Variants in CACNA1H observed in about 807,000 individuals in gnomAD.
CACNA1H encodes calcium voltage-gated channel subunit alpha1 H, also known as voltage-dependent T-type calcium channel subunit alpha-1H.
A neutral mutation model predicts 192.5 loss-of-function variants in CACNA1H; 149 were observed. The observed-to-expected ratio is 0.77, with a 90% CI of 0.68 to 0.89. The LOEUF is 0.89. CACNA1H is among the 40% of genes least tolerant of loss of function. CACNA1H has a pLI of 0.00. For synonymous variants in CACNA1H, 2,202 were observed against 1,475.2 expected, an observed-to-expected ratio of 1.49 and a Z score of -11.29; for missense variants, 4,257 against 3,423.5, an observed-to-expected ratio of 1.24 and a Z score of -6.08.
intron 2 of CACNA1H, among the ~76,000 whole-genome samples, chr16:1,163,886 G>A (rs1162320245): frequency 6.6e-6 from 1 of 152,194 alleles, no homozygotes; most frequent in Non-Finnish European, 1.5e-5. Context: ...GCTATGTGGC[G>A]GCCACCTCGA....
chr16:1,215,681 C>A (rs767383691), intron 30 of CACNA1H, 88 bp downstream of exon 30: 52 of 1,032,748 alleles, frequency 5.0e-5, no homozygotes, highest in Non-Finnish European at 7.0e-5. Context: ...CCCCCTCACT[C>A]GTTTCTCTGG....
At position 1,220,830 on chromosome 16, in the gene CACNA1H, A is replaced by G. The variant is rs775271588; in HGVS notation, c.6898A>G (p.Ile2300Val). 2.1e-5 allele frequency: 34 copies of G among 1,612,592 alleles called. No homozygotes were observed. The highest frequency in any genetic ancestry group is 1.7e-5 in the Admixed American group (1 of 59,998). ...ATCCAGAGCTTCCTCTTCAGGGGCCATAGTGCCCCTGGAACCCCCAGAATC... is the reference window on the plus strand; with the variant it reads ...ATCCAGAGCTTCCTCTTCAGGGGCCGTAGTGCCCCTGGAACCCCCAGAATC... ...PESRASSSGAIVPLEPPESEP... is the reference protein window; with the variant it reads ...PESRASSSGAVVPLEPPESEP... The change falls in exon 35 of 35, where the codon ATA (isoleucine) becomes GTA (valine). Residue 2300 changes from isoleucine (I) to valine (V), a missense_variant. Coordinates refer to ENST00000348261, the MANE Select transcript of CACNA1H (RefSeq NM_021098.3).
chr16:1,195,791 C>T (rs985575194), intron 4 of CACNA1H, 135 bp from the exon 5 acceptor site: 9 of 890,090 alleles, frequency 1.0e-5, no homozygotes, highest in Non-Finnish European at 1.1e-5. Context: ...CCTCGGGGCC[C>T]TTCCTGGCCA....
Position 1,204,042 on chromosome 16 carries a change from C to G in CACNA1H, c.2035C>G (p.Leu679Val), listed in dbSNP as rs373184675. Residue 679 changes from leucine to valine, a missense_variant, in exon 10 of 35, where the codon CTC becomes GTC. By Grantham distance (32) the Leu-to-Val change is conservative. Transcript: ENST00000348261. ...CCAGGCCCCTGGCCATCTGTCGGGC[C>G]TCAGTGTGCCCTGCCCCCTGCCCAG... The part of the protein sequence containing the change: ...LGQAPGHLSG[L>V]SVPCPLPSPP... The G allele has an allele frequency of 1.3e-6, 2 of 1,578,506 alleles. No homozygotes were observed. Among genetic ancestry groups the G allele is most frequent in the African/African-American group, 1.3e-5 (1 of 74,200 alleles).
rs550304903 is a variant in CACNA1H, at chr16:1,213,138, G to A, written c.4777+610G>A. Among the ~76,000 whole-genome samples, 6 of 152,374 alleles carry A rather than the reference G, an allele frequency of 3.9e-5. No individual in the cohort carries two copies. The South Asian group carries it at 1.0e-3, about 26-fold the overall frequency. ...GGCGGGCGCCGACTTCAGATGGTCT[G>A]GAGTCCGGCAGACCCTAGACCACAG... On this transcript the variant is annotated intron_variant, in intron 26 of 34. Coordinates refer to ENST00000348261, the MANE Select transcript of CACNA1H (RefSeq NM_021098.3).
At position 1,201,750 on chromosome 16, in the gene CACNA1H, C is replaced by T. The variant is rs185769412; in HGVS notation, c.1300C>T (p.Arg434Trp). ...ETKQRESQLM[R>W]EQRARHLSND... ...GAAGCAGCGGGAGAGTCAGCTGATG[C>T]GGGAGCAGCGGGCACGCCACCTGTC... Residue 434 changes from arginine (R) to tryptophan (W), a missense_variant, in exon 9 of 35, where the codon CGG becomes TGG. Physicochemically the swap from Arg to Trp is moderately radical, Grantham distance 101. Transcript: ENST00000348261. 55 of 1,608,506 alleles carry T rather than the reference C, an allele frequency of 3.4e-5. No homozygotes were observed. The highest frequency in any genetic ancestry group is 4.4e-5 in the South Asian group (4 of 90,164).
chr16:1,217,418 A>C (rs1194673044), intron 31 of CACNA1H, among the ~76,000 whole-genome samples: 5 of 152,030 alleles, frequency 3.3e-5, no homozygotes, highest in African/African-American at 9.7e-5. Context: ...TGAGGCCCCC[A>C]CCCAGGCCTC....
At chr16:1,203,013 C>T (rs551976527) in intron 9 of CACNA1H, among the ~76,000 whole-genome samples, 78 of 149,264 alleles carry the variant, frequency 5.2e-4, no homozygotes, top group African/African-American at 1.4e-3. Context: ...GGTAGGGTTC[C>T]ACACGGGCCT....
At position 1,207,008 on chromosome 16, in the gene CACNA1H, G is replaced by A. The variant is rs1968809258; in HGVS notation, c.2797G>A (p.Gly933Ser). The A allele has an allele frequency of 6.3e-7, 1 of 1,585,330 alleles. No homozygotes were observed. Among genetic ancestry groups the A allele is most frequent in the Non-Finnish European group, 8.6e-7 (1 of 1,165,804 alleles). The change falls in exon 13 of 35, where the codon GGC becomes AGC. Residue 933 changes from glycine to serine, a missense_variant. Gly to Ser is a moderately conservative substitution (Grantham distance 56). Transcript: ENST00000348261. ...MLFIFIFSIL[G>S]MHLFGCKFSL... ...CCCTGCCCCCACCCTCAGCATCCTG[G>A]GCATGCACCTTTTCGGCTGCAAGTT...
chr16:1,157,099 C>T (rs1471466699), intron 2 of CACNA1H: 1 of 152,222 alleles, frequency 6.6e-6, no homozygotes, highest in Non-Finnish European at 1.5e-5. Flanking sequence ...CCGCGTTCGC[C>T]TGCGACACAG....
At chr16:1,161,171 C>T (rs1158329418) in intron 2 of CACNA1H, among the ~76,000 whole-genome samples, 1 of 152,198 alleles carries the variant, frequency 6.6e-6, no homozygotes, top group African/African-American at 2.4e-5. Context: ...CTCGTCTGAC[C>T]CTGGGCTGCT....
chr16:1,156,126 G>A (rs754213983), intron 2 of CACNA1H, among the ~76,000 whole-genome samples: 7 of 152,174 alleles, frequency 4.6e-5, no homozygotes, highest in African/African-American at 1.2e-4. Context: ...CACTGGGTCT[G>A]CCTGCGGCAC....
Position 1,195,559 on chromosome 16 carries a change from T to C in CACNA1H, c.539T>C (p.Val180Ala). 6.3e-7 allele frequency: 1 copy of C among 1,591,646 alleles called. No individual in the cohort carries two copies. The highest frequency in any genetic ancestry group is 8.5e-7 in the Non-Finnish European group (1 of 1,169,672). The change falls in exon 4 of 35, where the codon GTG becomes GCG. Residue 180 changes from valine (V) to alanine (A), a missense_variant. Transcript: ENST00000348261. The stretch of plus-strand genomic sequence containing the variant: ...AACAGGCTGGATTTCTTCATCGTCG[T>C]GGCGGGGTAGGCCCCGCCTGGGAGA... ...TWNRLDFFIV[V>A]AGMMEYSLDG...
Position 1,203,018 on chromosome 16 carries a change from G to A in CACNA1H, c.2002+566G>A, listed in dbSNP as rs370432803. Among the ~76,000 whole-genome samples the A allele has an allele frequency of 5.7e-4, 86 of 151,488 alleles. 2 individuals carry two copies. In the South Asian group the frequency reaches 0.015, roughly 26 times the overall value. On this transcript the variant is annotated intron_variant, in intron 9 of 34. Coordinates refer to ENST00000348261, the MANE Select transcript of CACNA1H (RefSeq NM_021098.3). ...GCCCCCAGATGGTAGGGTTCCACAC[G>A]GGCCTGGGGGCCCTTCCTGGTTCTG...
chr16:1,172,154 G>A (rs928402781), intron 2 of CACNA1H, among the ~76,000 whole-genome samples: 1 of 152,336 alleles, frequency 6.6e-6, no homozygotes, highest in Non-Finnish European at 1.5e-5. Context: ...GGCCGCACAC[G>A]GTGGGTGTCA....
Position 1,220,409 on chromosome 16 carries a change from G to C in CACNA1H, c.6477G>C (p.Glu2159Asp), listed in dbSNP as rs757791122. The C allele has an allele frequency of 1.3e-6, 2 of 1,526,952 alleles. No individual in the cohort carries two copies. Among genetic ancestry groups the C allele is most frequent in the Admixed American group, 4.5e-5 (2 of 44,810 alleles). 94.6% of individuals were successfully genotyped at this position (1,526,952 alleles called of 1,614,324 possible). The change falls in exon 35 of 35, where the codon GAG becomes GAC. Residue 2159 changes from glutamate to aspartate, a missense_variant. Coordinates refer to ENST00000348261, the MANE Select transcript of CACNA1H (RefSeq NM_021098.3). ...ACGAGCAGTGGCGGCCCTCGGCGGA[G>C]CTGGGCAGCGGGGAGCCTGGGGAGG... Reference protein sequence around the residue: ...RADEQWRPSAELGSGEPGEAK... With the variant: ...RADEQWRPSADLGSGEPGEAK...
intron 33 of CACNA1H, 78 bp from the exon 34 acceptor site, chr16:1,218,891 TG>T: frequency 1.2e-6 from 1 of 800,170 alleles, no homozygotes; most frequent in African/African-American, 4.6e-5. Flanking sequence ...GGTGGCAGGT[TG>T]GGGGAGGACG....
At chr16:1,175,353 C>T (rs1490993006) in intron 2 of CACNA1H, among the ~76,000 whole-genome samples, 2 of 152,190 alleles carry the variant, frequency 1.3e-5, no homozygotes, top group African/African-American at 2.4e-5. Context: ...CCGCAGGTCC[C>T]TTTGGTAGTT....
intron 17 of CACNA1H, 42 bp from the exon 18 acceptor site, chr16:1,209,993 A>T: frequency 1.4e-6 from 2 of 1,455,734 alleles, no homozygotes; most frequent in East Asian, 2.5e-5. Context: ...GGGGCCGGGC[A>T]GGCAGGCGCA....
Sources: gnomAD v4.1 joint callset for allele counts (sites outside exome capture counted in the v4.1 genomes callset) on GRCh38, gnomAD v4.1.1 for gene constraint, MANE v1.5 for transcripts, NCBI Gene and HGNC (gene_info 2026-07-23, HGNC 2026-07-21) for gene names.